The following EML6 variants were observed in gnomAD, a reference collection of about 807,000 sequenced individuals.
EML6 encodes EMAP like 6, also known as echinoderm microtubule-associated protein-like 6.
EML6 carries 154 observed loss-of-function variants against 240.1 expected under a neutral mutation model. The observed-to-expected ratio is 0.64, with a 90% CI of 0.56 to 0.73. The LOEUF (loss-of-function observed/expected upper bound fraction) is 0.73, where lower values mean the gene tolerates loss of function less well. EML6 is among the 30% of genes least tolerant of loss of function. The probability of loss-of-function intolerance (pLI) is 0.00; values close to 1 mark genes in which losing one functional copy is unlikely to be tolerated. For synonymous variants in EML6, 1,148 were observed against 899.0 expected (o/e 1.28, Z -4.95); for missense variants, 2,964 against 2,474.6 (o/e 1.20, Z -4.20).
At position 54,957,974 on chromosome 2, in the gene EML6, G is replaced by A. The variant is rs367576444; in HGVS notation, c.4671G>A (p.Thr1557=). 91 of 1,551,302 alleles carry A rather than the reference G, an allele frequency of 5.9e-5. No homozygotes were observed. In the African/African-American group the frequency reaches 8.5e-4, roughly 14 times the overall value. The change falls in exon 33 of 42, where the codon ACG becomes ACA. Residue 1557 remains threonine (T), a synonymous_variant. Transcript: ENST00000356458. ...CCCTGGGAGCTGCCAAAATGCAGAC[G>A]ATGCTCTCCGTGGCCTTCGGTGCTG... ...IGSLGAAKMQ[T]MLSVAFGANN... is the part of the protein sequence containing the mutation.
At chr2:54,867,810 A>T (rs187083685) in intron 14 of EML6, 5 of 152,320 alleles carry the variant, frequency 3.3e-5, no homozygotes, top group African/African-American at 1.2e-4. Flanking sequence ...TACATCATTC[A>T]TATTTCTACC....
At chr2:54,805,965 G>A (rs968791507) in intron 2 of EML6, among the ~76,000 whole-genome samples, 2 of 152,106 alleles carry the variant, frequency 1.3e-5, no homozygotes, top group African/African-American at 4.8e-5. Context: ...TCATATAAAT[G>A]TGGGTCTCTC....
intron 26 of EML6, 97 bp downstream of exon 26, chr2:54,917,032 A>G: frequency 1.1e-6 from 1 of 879,934 alleles, no homozygotes. Context: ...AGTCATAAGC[A>G]ATTCACATTA....
At chr2:54,943,860 G>A (rs367842549) in intron 28 of EML6, among the ~76,000 whole-genome samples, 36 of 152,294 alleles carry the variant, frequency 2.4e-4, no homozygotes, top group African/African-American at 7.5e-4. Context: ...AAATTCCAGT[G>A]TGTATTTTAT....
At chr2:54,826,605 GC>G (rs1292698200) in intron 5 of EML6, among the ~76,000 whole-genome samples, 3 of 151,976 alleles carry the variant, frequency 2.0e-5, no homozygotes, top group South Asian at 2.1e-4. Flanking sequence ...GTCCCCACCT[GC>G]CCCCCCAAAA....
chr2:54,889,743 C>G (rs989680056), intron 17 of EML6, among the ~76,000 whole-genome samples: 1 of 152,128 alleles, frequency 6.6e-6, no homozygotes, highest in African/African-American at 2.4e-5. Context: ...CTCTTCCATT[C>G]CAGCTCTTGT....
In EML6 at chr2:54,871,692, T is replaced by C. The variant is rs57211584; in HGVS notation, c.2344+87T>C. On this transcript the variant is annotated intron_variant, in intron 16 of 41. Transcript: ENST00000356458. ...TATGCCCCGCGCATGCGCGCACGCG[T>C]GTGTGTGTATTTAAACATGCTCCCA... The C allele has an allele frequency of 0.013, 11,520 of 917,090 alleles. 765 individuals carry two copies. The African/African-American group carries it at 0.15, about 12-fold the overall frequency. The allele number at this position is 917,090 out of a possible 1,614,324, so 56.8% of individuals were successfully genotyped here.
chr2:54,765,381 C>T (rs1035095043), intron 2 of EML6, among the ~76,000 whole-genome samples: 1 of 152,090 alleles, frequency 6.6e-6, no homozygotes, highest in Non-Finnish European at 1.5e-5. Context: ...TATATATCTC[C>T]TCTTTTGAAC....
At chr2:54,809,117 C>T (rs1046822241) in intron 2 of EML6, among the ~76,000 whole-genome samples, 1 of 152,214 alleles carries the variant, frequency 6.6e-6, no homozygotes, top group Admixed American at 6.5e-5. Flanking sequence ...TGTCTTGAGA[C>T]TCGCAATGAA....
intron 4 of EML6, among the ~76,000 whole-genome samples, chr2:54,817,780 C>T (rs1277226017): frequency 6.6e-6 from 1 of 151,838 alleles, no homozygotes; most frequent in East Asian, 1.9e-4. Context: ...ATGAAATTCA[C>T]TGTCTCTTGC....
intron 2 of EML6, among the ~76,000 whole-genome samples, chr2:54,755,714 G>A (rs1667688691): frequency 6.6e-6 from 1 of 152,100 alleles, no homozygotes; most frequent in Non-Finnish European, 1.5e-5. Flanking sequence ...AGACTGGAGT[G>A]CAGTGGTGTG....
chr2:54,811,228 T>C (rs1177730830), intron 2 of EML6, among the ~76,000 whole-genome samples: 1 of 152,206 alleles, frequency 6.6e-6, no homozygotes, highest in Non-Finnish European at 1.5e-5. Context: ...TCCTAAATTA[T>C]GGAACTGTTT....
chr2:54,967,851 G>A (rs944743726), intron 39 of EML6, among the ~76,000 whole-genome samples: 1 of 152,146 alleles, frequency 6.6e-6, no homozygotes, highest in African/African-American at 2.4e-5. Flanking sequence ...CGCATGCTTA[G>A]TTCACAATAG....
chr2:54,830,391 T>G (rs796294285), intron 7 of EML6, among the ~76,000 whole-genome samples: 4 of 152,242 alleles, frequency 2.6e-5, no homozygotes, highest in African/African-American at 9.6e-5. Context: ...GGATGAAAAC[T>G]TACCCATCGT....
At chr2:54,732,462 AT>A (rs908521127) in intron 2 of EML6, among the ~76,000 whole-genome samples, 3 of 151,940 alleles carry the variant, frequency 2.0e-5, no homozygotes, top group Non-Finnish European at 2.9e-5. Flanking sequence ...TTTTGAGTTA[AT>A]TTTTATATAT....
At chr2:54,917,229 T>G (rs971995148) in intron 26 of EML6, among the ~76,000 whole-genome samples, 1 of 152,166 alleles carries the variant, frequency 6.6e-6, no homozygotes, top group Non-Finnish European at 1.5e-5. Flanking sequence ...TTTCTAACTT[T>G]CATTAGGATA....
chr2:54,943,528 C>T (rs1268462338), intron 28 of EML6, among the ~76,000 whole-genome samples: 1 of 152,132 alleles, frequency 6.6e-6, no homozygotes, highest in African/African-American at 2.4e-5. Flanking sequence ...TCATTCAGGC[C>T]TTGTAGTCTT....
chr2:54,776,831 T>A (rs1017841774), intron 2 of EML6, among the ~76,000 whole-genome samples: 3 of 152,186 alleles, frequency 2.0e-5, no homozygotes, highest in Non-Finnish European at 4.4e-5. Flanking sequence ...ATATGAACAT[T>A]TGTATACTGG....
At position 54,964,071 on chromosome 2, in the gene EML6, A is replaced by C; in HGVS notation, c.5243A>C (p.Lys1748Thr). The change falls in exon 37 of 42, where the codon AAG (lysine) becomes ACG (threonine). Residue 1748 changes from lysine (K) to threonine (T), a missense_variant. Physicochemically the swap from Lys to Thr is moderately conservative, Grantham distance 78. Coordinates refer to ENST00000356458, the MANE Select transcript of EML6 (RefSeq NM_001039753.4). ...PDGEMVAIGM[K>T]NGEFVILLVN... ...GGGGAGATGGTGGCCATTGGCATGA[A>C]GAATGGAGAGTTTGTCATCTTGTTG... 1 of 1,551,762 alleles carries C rather than the reference A, an allele frequency of 6.4e-7. No individual in the cohort carries two copies. Among genetic ancestry groups the C allele is most frequent in the Non-Finnish European group, 8.7e-7 (1 of 1,147,014 alleles).
Sources: gnomAD v4.1 joint callset for allele counts (sites outside exome capture counted in the v4.1 genomes callset) on GRCh38, gnomAD v4.1.1 for gene constraint, MANE v1.5 for transcripts, NCBI Gene and HGNC (gene_info 2026-07-23, HGNC 2026-07-21) for gene names.